Variants in DZIP3 observed in about 807,000 individuals in gnomAD.
The protein encoded by DZIP3 is E3 ubiquitin-protein ligase DZIP3.
Under a neutral mutation model 162.0 loss-of-function variants are expected in DZIP3, and 118 were observed. The observed-to-expected ratio is 0.73, with a 90% CI of 0.63 to 0.85. DZIP3 has a LOEUF of 0.85. Among genes scored for constraint, DZIP3 ranks in the 40% least tolerant of loss-of-function variants. The probability of loss-of-function intolerance (pLI) is 0.00; values close to 1 mark genes in which losing one functional copy is unlikely to be tolerated. For synonymous variants in DZIP3, 438 were observed against 458.6 expected (o/e 0.96, Z 0.57); for missense variants, 1,331 against 1,407.0 (o/e 0.95, Z 0.86).
chr3:108,663,752 A>T (rs567361615), intron 21 of DZIP3, among the ~76,000 whole-genome samples: 1 of 152,280 alleles, frequency 6.6e-6, no homozygotes, highest in Admixed American at 6.5e-5. Flanking sequence ...GCACTCTTAC[A>T]TGCTTCAGGC....
chr3:108,647,762 T>G (rs1481024951), intron 15 of DZIP3, among the ~76,000 whole-genome samples, 181 bp from the exon 16 acceptor site: 1 of 152,220 alleles, frequency 6.6e-6, no homozygotes, highest in East Asian at 1.9e-4. Context: ...AGGCTGGTGT[T>G]TGTACATATT....
chr3:108,681,970 C>G lies in DZIP3; in HGVS notation c.2884-2246C>G, dbSNP rs1047909881. Reference sequence around the variant, plus strand: ...GGAGGGATAGCATTAGGAGAAATACCTAATGTAGATGACGGGTTGATGGGT... The same window carrying G: ...GGAGGGATAGCATTAGGAGAAATACGTAATGTAGATGACGGGTTGATGGGT... On this transcript the variant is annotated intron_variant, in intron 26 of 32. Transcript: ENST00000361582. 4.0e-5 allele frequency among the ~76,000 whole-genome samples: 6 copies of G among 150,300 alleles called. 1 individual carries two copies. Among genetic ancestry groups the G allele is most frequent in the African/African-American group, 1.5e-4 (6 of 39,842 alleles).
In DZIP3 at chr3:108,686,613, A is replaced by G. The variant is rs145084041; in HGVS notation, c.3149+29A>G. The G allele has an allele frequency of 5.3e-4, 797 of 1,514,190 alleles. 3 individuals are homozygous for G. Among genetic ancestry groups the G allele is most frequent in the African/African-American group, 2.6e-3 (185 of 71,414 alleles). 93.8% of individuals were successfully genotyped at this position (1,514,190 alleles called of 1,614,324 possible). On this transcript the variant is annotated intron_variant, in intron 28 of 32. Coordinates refer to ENST00000361582, the MANE Select transcript of DZIP3 (RefSeq NM_014648.4). ...CCTTAGTTTTTATTTATTGGTGGGT[A>G]CAGATCATATTCTCCAGTTTTCATA...
At chr3:108,631,928 T>G (rs1170456667) in intron 8 of DZIP3, among the ~76,000 whole-genome samples, 4 of 152,052 alleles carry the variant, frequency 2.6e-5, no homozygotes, top group Non-Finnish European at 5.9e-5. Context: ...GAAATACTTA[T>G]TATTCAGATG....
rs1944783384 is a variant in DZIP3 at position 108,693,684 on chromosome 3, G to A, written c.*331G>A. On this transcript the variant is annotated 3_prime_UTR_variant, in exon 33 of 33. Coordinates refer to ENST00000361582, the MANE Select transcript of DZIP3 (RefSeq NM_014648.4). ...TATTGCCAGAATCAGATATCAGGAA[G>A]TAGTAAGAAAAGGAGTTAATATGCA... 1 of 152,148 alleles carries A rather than the reference G, an allele frequency of 6.6e-6. No individual in the cohort carries two copies. Among genetic ancestry groups the A allele is most frequent in the African/African-American group, 2.4e-5 (1 of 41,448 alleles). The allele number at this position is 152,148 out of a possible 1,614,324, so 9.4% of individuals were successfully genotyped here.
intron 19 of DZIP3, 52 bp from the exon 20 acceptor site, chr3:108,661,825 T>C: frequency 6.7e-7 from 1 of 1,492,790 alleles, no homozygotes; most frequent in Non-Finnish European, 9.2e-7. Context: ...TTCAAATAAC[T>C]AAAATTTTTT....
At chr3:108,657,174 GAC>G (rs1298382338) in intron 19 of DZIP3, among the ~76,000 whole-genome samples, 1 of 152,098 alleles carries the variant, frequency 6.6e-6, no homozygotes, top group Non-Finnish European at 1.5e-5. Flanking sequence ...GCAACTCCAA[GAC>G]ACATAATTGG....
intron 32 of DZIP3, chr3:108,691,186 G>C: frequency 4.4e-6 from 1 of 226,922 alleles, no homozygotes; most frequent in Non-Finnish European, 8.6e-6. Flanking sequence ...GTTTTTTCTT[G>C]TCTTTTTAAA....
At chr3:108,674,933 C>T (rs572609643) in intron 24 of DZIP3, among the ~76,000 whole-genome samples, 4 of 151,812 alleles carry the variant, frequency 2.6e-5, no homozygotes, top group Non-Finnish European at 5.9e-5. Context: ...TCAGGATATA[C>T]TGATGTGCAC....
At chr3:108,595,980 A>G (rs1198229009) in intron 1 of DZIP3, among the ~76,000 whole-genome samples, 1 of 152,212 alleles carries the variant, frequency 6.6e-6, no homozygotes, top group African/African-American at 2.4e-5. Flanking sequence ...CTTATAATGG[A>G]GGATATAGAC....
chr3:108,605,270 G>GGGGA (rs1404077175), intron 1 of DZIP3, 65 bp from the exon 2 acceptor site: 1 of 1,181,410 alleles, frequency 8.5e-7, no homozygotes, highest in Non-Finnish European at 1.2e-6. Context: ...ATCACGTTCT[G>GGGGA]TTTTCATAGT....
intron 26 of DZIP3, among the ~76,000 whole-genome samples, chr3:108,681,149 T>G (rs993568054): frequency 2.0e-5 from 3 of 152,064 alleles, no homozygotes; most frequent in Non-Finnish European, 4.4e-5. Flanking sequence ...ACAGGCAACC[T>G]ACAGAATAGG....
At chr3:108,683,680 A>T (rs1479548510) in intron 26 of DZIP3, among the ~76,000 whole-genome samples, 2 of 152,186 alleles carry the variant, frequency 1.3e-5, no homozygotes, top group Non-Finnish European at 2.9e-5. Flanking sequence ...TCCCAGGCCC[A>T]TCCCACTTCC....
At chr3:108,641,128 T>A (rs1447572626) in intron 12 of DZIP3, among the ~76,000 whole-genome samples, 1 of 152,098 alleles carries the variant, frequency 6.6e-6, no homozygotes, top group Non-Finnish European at 1.5e-5. Context: ...TTTTAACTTG[T>A]CAAAGTTTAT....
chr3:108,632,515 G>A (rs562336333), intron 8 of DZIP3, among the ~76,000 whole-genome samples: 1 of 152,208 alleles, frequency 6.6e-6, no homozygotes, highest in Non-Finnish European at 1.5e-5. Flanking sequence ...ATGGCATATT[G>A]CACTACCACA....
Position 108,611,229 on chromosome 3 carries a change from A to T in DZIP3, c.158A>T (p.Glu53Val), listed in dbSNP as rs1343176362. ...TDLVPVNLLL[E>V]VKKLLNAINT... Reference sequence around the variant, plus strand: ...CTTGTCCCTGTTAACCTACTATTAGAAGTGAAGAAGTTATTAAATGCAATT... The same window carrying T: ...CTTGTCCCTGTTAACCTACTATTAGTAGTGAAGAAGTTATTAAATGCAATT... Residue 53 changes from glutamate to valine, a missense_variant, in exon 4 of 33, where the codon GAA (glutamate) becomes GTA (valine). Glu to Val is a moderately radical substitution (Grantham distance 121). Transcript: ENST00000361582. 1 of 1,612,214 alleles carries T rather than the reference A, an allele frequency of 6.2e-7. No homozygotes were observed. The highest frequency in any genetic ancestry group is 1.3e-5 in the African/African-American group (1 of 74,952).
chr3:108,614,904 A>G (rs1279143941), intron 4 of DZIP3, among the ~76,000 whole-genome samples: 3 of 152,104 alleles, frequency 2.0e-5, no homozygotes, highest in African/African-American at 7.2e-5. Context: ...TCACTTTATT[A>G]CTTCTCCACT....
chr3:108,597,429 T>C (rs899690883), intron 1 of DZIP3, among the ~76,000 whole-genome samples: 5 of 152,084 alleles, frequency 3.3e-5, no homozygotes, highest in Non-Finnish European at 7.4e-5. Context: ...TACTATCCAT[T>C]GTTTCTGAAT....
chr3:108,674,011 T>C, intron 23 of DZIP3, 67 bp from the exon 24 acceptor site: 1 of 1,192,376 alleles, frequency 8.4e-7, no homozygotes, highest in Non-Finnish European at 1.2e-6. Context: ...CTTGAGATGA[T>C]TGAGAAGAGA....
Sources: allele counts gnomAD v4.1 joint callset (sites outside exome capture counted in the v4.1 genomes callset), GRCh38; gene constraint gnomAD v4.1.1; transcripts MANE v1.5; gene names NCBI Gene and HGNC (gene_info 2026-07-23, HGNC 2026-07-21).